Variants in SLC25A21 observed in about 807,000 individuals in gnomAD.
SLC25A21 encodes solute carrier family 25 member 21.
A neutral mutation model predicts 43.8 loss-of-function variants in SLC25A21; 47 were observed. That is an observed-to-expected ratio of 1.07 (90% CI 0.85 to 1.37). The LOEUF (loss-of-function observed/expected upper bound fraction) is 1.37. Among genes scored for constraint, SLC25A21 ranks in the 40% most tolerant of loss-of-function variants. SLC25A21 has a pLI of 0.00. For synonymous variants in SLC25A21, 131 were observed against 121.3 expected (o/e 1.08, Z -0.52); for missense variants, 352 against 350.2 (o/e 1.00, Z -0.04).
intron 1 of SLC25A21, among the ~76,000 whole-genome samples, chr14:37,143,324 C>T (rs1278103358): frequency 6.6e-6 from 1 of 152,214 alleles, no homozygotes; most frequent in Non-Finnish European, 1.5e-5. Flanking sequence ...GCTTAGCTAA[C>T]TGCTCCCACC....
At chr14:36,849,698 G>C (rs944592205) in intron 2 of SLC25A21, among the ~76,000 whole-genome samples, 2 of 152,084 alleles carry the variant, frequency 1.3e-5, no homozygotes, top group Admixed American at 6.6e-5. Flanking sequence ...GCCAATATTT[G>C]AGACAGTCTA....
intron 7 of SLC25A21, among the ~76,000 whole-genome samples, chr14:36,709,329 T>C (rs568642618): frequency 3.9e-5 from 6 of 152,342 alleles, no homozygotes; most frequent in African/African-American, 1.4e-4. Flanking sequence ...AAATTCTTAA[T>C]AATTTCTGAA....
chr14:36,690,026 G>T (rs768217133), intron 7 of SLC25A21, among the ~76,000 whole-genome samples: 1 of 152,148 alleles, frequency 6.6e-6, no homozygotes, highest in Non-Finnish European at 1.5e-5. Flanking sequence ...TATTAACTCT[G>T]TTCAACCTAT....
rs141023059 is a variant in SLC25A21, at chr14:37,062,428, C to T, written c.70+109853G>A. Among the ~76,000 whole-genome samples, 85 of 152,192 alleles carry T rather than the reference C, an allele frequency of 5.6e-4. No homozygotes were observed. In the East Asian group the frequency reaches 6.4e-3, roughly 11 times the overall value. ...GACTCAAATCTCTAAATGCAAACCACGTAACCTCCACTCATATATTCGCAA... is the reference window on the plus strand; with the variant it reads ...GACTCAAATCTCTAAATGCAAACCATGTAACCTCCACTCATATATTCGCAA... On this transcript the variant is annotated intron_variant, in intron 1 of 9. Transcript: ENST00000331299.
At chr14:37,162,576 C>G (rs1963963848) in intron 1 of SLC25A21, among the ~76,000 whole-genome samples, 2 of 152,174 alleles carry the variant, frequency 1.3e-5, no homozygotes, top group South Asian at 2.1e-4. Flanking sequence ...AAATACAAAT[C>G]AAAACCACAA....
intron 2 of SLC25A21, among the ~76,000 whole-genome samples, chr14:36,817,104 C>T (rs995520013): frequency 2.6e-5 from 4 of 151,930 alleles, no homozygotes; most frequent in Non-Finnish European, 5.9e-5. Context: ...GATGCATTTT[C>T]CCAAATTACC....
intron 2 of SLC25A21, among the ~76,000 whole-genome samples, chr14:36,815,276 C>T (rs1429820087): frequency 6.6e-6 from 1 of 151,736 alleles, no homozygotes; most frequent in Admixed American, 6.6e-5. Flanking sequence ...CCATGGTGCA[C>T]GTGTACCTAT....
chr14:37,089,736 A>G (rs1289983838), intron 1 of SLC25A21, among the ~76,000 whole-genome samples: 1 of 152,228 alleles, frequency 6.6e-6, no homozygotes, highest in African/African-American at 2.4e-5. Flanking sequence ...TTCAAAAAGA[A>G]GGGCTGTGTC....
chr14:36,839,607 G>T (rs1391884525), intron 2 of SLC25A21, among the ~76,000 whole-genome samples: 1 of 152,186 alleles, frequency 6.6e-6, no homozygotes, highest in Non-Finnish European at 1.5e-5. Context: ...TTGCAGAAAA[G>T]GTTCCAACAC....
chr14:36,832,212 A>T (rs17105452), intron 2 of SLC25A21, among the ~76,000 whole-genome samples: 2 of 152,128 alleles, frequency 1.3e-5, no homozygotes, highest in African/African-American at 4.8e-5. Flanking sequence ...AGTGGAAATC[A>T]AAAAGTATGT....
chr14:37,141,632 G>A (rs1290536096), intron 1 of SLC25A21, among the ~76,000 whole-genome samples: 3 of 152,004 alleles, frequency 2.0e-5, no homozygotes, highest in African/African-American at 4.8e-5. Context: ...TTTCCTAGTA[G>A]ATTTACTTTA....
rs540120596 is a variant in SLC25A21 at position 36,757,814 on chromosome 14, T to C, written c.204-23241A>G. Among the ~76,000 whole-genome samples, 4 of 152,338 alleles carry C rather than the reference T, an allele frequency of 2.6e-5. No homozygotes were observed. In the East Asian group the frequency reaches 7.7e-4, roughly 29 times the overall value. On this transcript the variant is annotated intron_variant, in intron 3 of 9. Transcript: ENST00000331299. Reference sequence around the variant, plus strand: ...CTAGCACTTGCTAGAATTTCTTCCTTGTGAACAAAAGCAAAATGTTTTGCA... The same window carrying C: ...CTAGCACTTGCTAGAATTTCTTCCTCGTGAACAAAAGCAAAATGTTTTGCA...
intron 3 of SLC25A21, among the ~76,000 whole-genome samples, chr14:36,756,080 G>A (rs1033815399): frequency 1.3e-5 from 2 of 152,178 alleles, no homozygotes; most frequent in Admixed American, 6.5e-5. Flanking sequence ...TAATAAAAGA[G>A]GTGGTTCCCT....
chr14:36,792,495 A>G (rs1887523179), intron 3 of SLC25A21, among the ~76,000 whole-genome samples: 1 of 152,156 alleles, frequency 6.6e-6, no homozygotes, highest in Non-Finnish European at 1.5e-5. Flanking sequence ...CCTCATGAAA[A>G]TGTTGGACCA....
At chr14:37,080,164 G>A (rs930571315) in intron 1 of SLC25A21, among the ~76,000 whole-genome samples, 6 of 152,116 alleles carry the variant, frequency 3.9e-5, no homozygotes, top group Admixed American at 3.3e-4. Flanking sequence ...CTAAACTCGA[G>A]ATATCTTTCT....
intron 7 of SLC25A21, among the ~76,000 whole-genome samples, chr14:36,711,071 C>T (rs1164963091): frequency 1.3e-5 from 2 of 152,168 alleles, no homozygotes; most frequent in Non-Finnish European, 2.9e-5. Context: ...ATTTTGGTGT[C>T]AGACTTGGGT....
intron 1 of SLC25A21, among the ~76,000 whole-genome samples, chr14:36,890,586 C>T (rs1312945210): frequency 6.6e-6 from 1 of 152,126 alleles, no homozygotes; most frequent in African/African-American, 2.4e-5. Context: ...ACAGTAACTA[C>T]TAACATTTGG....
chr14:37,129,168 C>T (rs1963350449), intron 1 of SLC25A21, among the ~76,000 whole-genome samples: 1 of 152,112 alleles, frequency 6.6e-6, no homozygotes, highest in African/African-American at 2.4e-5. Context: ...CTATCACTTC[C>T]GTTTAAAGAA....
chr14:36,719,466 CAT>C (rs928777030), intron 6 of SLC25A21, among the ~76,000 whole-genome samples: 1 of 152,180 alleles, frequency 6.6e-6, no homozygotes, highest in Non-Finnish European at 1.5e-5. Context: ...TTTATCCACA[CAT>C]GTTTTTACAC....
Sources: allele counts gnomAD v4.1 joint callset (sites outside exome capture counted in the v4.1 genomes callset), GRCh38; gene constraint gnomAD v4.1.1; transcripts MANE v1.5; gene names NCBI Gene and HGNC (gene_info 2026-07-23, HGNC 2026-07-21).